Variants in MYOZ1 observed in about 807,000 individuals in gnomAD.
The protein encoded by MYOZ1 is myozenin 1, also known as myozenin-1.
In MYOZ1, 20 loss-of-function variants were observed where a neutral mutation model predicts 28.7. That is an observed-to-expected ratio of 0.70 (90% CI 0.49 to 1.01). The LOEUF is 1.01. Among genes scored for constraint, MYOZ1 ranks in the 50% least tolerant of loss-of-function variants. The pLI is 0.00. For missense variants in MYOZ1, 371 were observed against 372.4 expected (o/e 1.00, Z 0.03); for synonymous variants, 144 against 145.8 (o/e 0.99, Z 0.09).
At chr10:73,636,825 C>T (rs1032356757) in intron 3 of MYOZ1, among the ~76,000 whole-genome samples, 1 of 152,056 alleles carries the variant, frequency 6.6e-6, no homozygotes, top group Non-Finnish European at 1.5e-5. Flanking sequence ...AAAAATTATT[C>T]ATTTGCATCT....
chr10:73,632,849 C>T (rs890533903), intron 5 of MYOZ1, among the ~76,000 whole-genome samples: 4 of 151,776 alleles, frequency 2.6e-5, no homozygotes, highest in Non-Finnish European at 5.9e-5. Flanking sequence ...CAGTGGATAG[C>T]CTGGCTAAGA....
At chr10:73,636,879 TCCCAAATATTGCATG>T (rs1564984436) in intron 3 of MYOZ1, among the ~76,000 whole-genome samples, 1 of 152,238 alleles carries the variant, frequency 6.6e-6, no homozygotes, top group South Asian at 2.1e-4. Flanking sequence ...TATTTTAATG[TCCCAAATATTGCATG>T]GGACATATTT....
chr10:73,640,089 A>G, intron 1 of MYOZ1, 54 bp from the exon 2 acceptor site: 1 of 1,448,980 alleles, frequency 6.9e-7, no homozygotes, highest in Non-Finnish European at 9.7e-7. Flanking sequence ...GGGAAGAGTG[A>G]GTGTCTGTAG....
At chr10:73,638,638 T>TTTTATTTA (rs71482554) in intron 2 of MYOZ1, among the ~76,000 whole-genome samples, 1,418 of 124,132 alleles carry the variant, frequency 0.011, 12 homozygotes, top group African/African-American at 0.029. Flanking sequence ...CCAGCCTACA[T>TTTTATTTA]TTTATTTATT....
intron 2 of MYOZ1, among the ~76,000 whole-genome samples, chr10:73,638,878 C>G (rs1348001744): frequency 6.7e-6 from 1 of 150,226 alleles, no homozygotes; most frequent in Non-Finnish European, 1.5e-5. Context: ...GTTGGCCGGG[C>G]TGGTCTTGAA....
intron 4 of MYOZ1, 39 bp downstream of exon 4, chr10:73,634,445 T>C: frequency 6.2e-7 from 1 of 1,609,590 alleles, no homozygotes; most frequent in Non-Finnish European, 8.5e-7. Flanking sequence ...AACTCTGCTC[T>C]AGGGACCAAA....
intron 3 of MYOZ1, 52 bp downstream of exon 3, chr10:73,637,692 G>C (rs1403741896): frequency 9.2e-6 from 14 of 1,525,606 alleles, no homozygotes; most frequent in South Asian, 6.3e-5. Flanking sequence ...CTACTAACAA[G>C]CTGTCAGAAC....
chr10:73,637,948 T>C (rs1479534791), intron 2 of MYOZ1, 26 bp from the exon 3 acceptor site: 2 of 1,595,596 alleles, frequency 1.3e-6, no homozygotes, highest in East Asian at 4.5e-5. Flanking sequence ...AGAAGAAGAA[T>C]CAAGGGAAAG....
rs201988548 is a variant in MYOZ1, at chr10:73,634,593, C to A, written c.393G>T (p.Gln131His). 159 of 1,614,046 alleles carry A rather than the reference C, an allele frequency of 9.9e-5. No individual in the cohort carries two copies. Among genetic ancestry groups the A allele is most frequent in the Non-Finnish European group, 1.3e-4 (150 of 1,180,038 alleles). Residue 131 changes from glutamine to histidine, a missense_variant, in exon 4 of 6, where the codon CAG (glutamine) becomes CAT (histidine). Gln to His is a conservative substitution (Grantham distance 24). Transcript: ENST00000359322. The part of the protein sequence containing the change: ...SGSAGQYGSD[Q>H]QHHLGSGSGA... ...CAGACCCAGAGCCCAGATGGTGCTG[C>A]TGATCAGAGCCATACTGTCCGGCAG...
intron 2 of MYOZ1, among the ~76,000 whole-genome samples, chr10:73,638,311 A>G (rs1456456241): frequency 6.7e-6 from 1 of 150,296 alleles, no homozygotes; most frequent in Non-Finnish European, 1.5e-5. Context: ...ATATATATAT[A>G]TATTTGTTTT....
intron 2 of MYOZ1, among the ~76,000 whole-genome samples, chr10:73,638,957 C>T (rs532416660): frequency 6.8e-4 from 99 of 146,488 alleles, no homozygotes; most frequent in African/African-American, 2.5e-3. Context: ...TGAGCCACCA[C>T]GCCTGGACTT....
In MYOZ1 at chr10:73,638,292, C is replaced by CATATAT. The variant is rs56801610; in HGVS notation, c.74-376_74-371dup. ...TTGTGTGGAGTCCAAATACAGATGC[C>CATATAT]ATATATATATATATATATATATTTG... On this transcript the variant is annotated intron_variant, in intron 2 of 5. Coordinates refer to ENST00000359322, the MANE Select transcript of MYOZ1 (RefSeq NM_021245.4). Among the ~76,000 whole-genome samples the CATATAT allele has an allele frequency of 3.5e-3, 505 of 143,230 alleles. 7 individuals are homozygous for CATATAT. The highest frequency in any genetic ancestry group is 0.012 in the African/African-American group (475 of 39,224). 94.0% of individuals were successfully genotyped at this position (143,230 alleles called of 152,430 possible).
Position 73,631,831 on chromosome 10 carries a change from T to TTAAAA in MYOZ1, c.*98_*99insTTTTA. On this transcript the variant is annotated 3_prime_UTR_variant, in exon 6 of 6. Transcript: ENST00000359322. The stretch of plus-strand genomic sequence containing the variant: ...TCTCTCCTTTTTCCCTCCATTCCCA[T>TTAAAA]AAGGATACTGGATTAACAATGGGGG... 9.5e-7 allele frequency: 1 copy of TTAAAA among 1,057,052 alleles called. No individual in the cohort carries two copies. The highest frequency in any genetic ancestry group is 2.5e-5 in the East Asian group (1 of 39,354). 65.5% of individuals were successfully genotyped at this position (1,057,052 alleles called of 1,614,324 possible). A position where few individuals can be genotyped will look rare whatever the true frequency, so the allele number is the denominator to read the frequency against.
In MYOZ1 at chr10:73,634,625, T is replaced by G; in HGVS notation, c.361A>C (p.Ser121Arg). ...NGRGGSQAGG[S>R]GSAGQYGSDQ... ...GAGCCATACTGTCCGGCAGAGCCAC[T>G]GCCCCCTGCCTGGCTGCCGCCTCTG... Residue 121 changes from serine to arginine, a missense_variant, in exon 4 of 6, where the codon AGT (serine) becomes CGT (arginine). By Grantham distance (110) the Ser-to-Arg change is moderately radical. Coordinates refer to ENST00000359322, the MANE Select transcript of MYOZ1 (RefSeq NM_021245.4). The G allele has an allele frequency of 6.2e-7, 1 of 1,614,206 alleles. No homozygotes were observed. Among genetic ancestry groups the G allele is most frequent in the Non-Finnish European group, 8.5e-7 (1 of 1,180,020 alleles).
At chr10:73,633,788 C>A in intron 5 of MYOZ1, 112 bp downstream of exon 5, 1 of 1,181,762 alleles carries the variant, frequency 8.5e-7, no homozygotes, top group African/African-American at 1.5e-5. Flanking sequence ...CCCCCATATC[C>A]CTGCCATCTC....
intron 1 of MYOZ1, among the ~76,000 whole-genome samples, chr10:73,640,879 G>A (rs2081699753): frequency 6.6e-6 from 1 of 152,166 alleles, no homozygotes; most frequent in Non-Finnish European, 1.5e-5. Context: ...AACATGGCCT[G>A]GGAAGTCATG....
intron 3 of MYOZ1, among the ~76,000 whole-genome samples, 196 bp downstream of exon 3, chr10:73,637,548 T>C (rs2132407702): frequency 6.6e-6 from 1 of 152,338 alleles, no homozygotes; most frequent in East Asian, 1.9e-4. Flanking sequence ...TCAGTGGCTC[T>C]ATGATGAAAA....
At position 73,631,880 on chromosome 10, in the gene MYOZ1, C is replaced by T. The variant is rs756601083; in HGVS notation, c.*50G>A. 7 of 1,517,926 alleles carry T rather than the reference C, an allele frequency of 4.6e-6. No homozygotes were observed. Among genetic ancestry groups the T allele is most frequent in the Non-Finnish European group, 6.4e-6 (7 of 1,095,056 alleles). The allele number at this position is 1,517,926 out of a possible 1,614,324, so 94.0% of individuals were successfully genotyped here. On this transcript the variant is annotated 3_prime_UTR_variant, in exon 6 of 6. Transcript: ENST00000359322. ...GGCTATCTGCTCAGCATTCCCTCTCCAAATTGGAGCCAGAGAGGGGAAATG... is the reference window on the plus strand; with the variant it reads ...GGCTATCTGCTCAGCATTCCCTCTCTAAATTGGAGCCAGAGAGGGGAAATG...
chr10:73,634,730 G>T lies in MYOZ1; in HGVS notation c.256C>A (p.His86Asn). The change falls in exon 4 of 6, where the codon CAC becomes AAC. Residue 86 changes from histidine (H) to asparagine (N), a missense_variant. Coordinates refer to ENST00000359322, the MANE Select transcript of MYOZ1 (RefSeq NM_021245.4). ...PDVFSDSSMD[H>N]FQKFLPTVGG... Reference sequence around the variant, plus strand: ...ACTGTTGGAAGGAACTTCTGGAAGTGATCCTGAAAAGAAGACAAAGTGAGG... The same window carrying T: ...ACTGTTGGAAGGAACTTCTGGAAGTTATCCTGAAAAGAAGACAAAGTGAGG... 6.2e-7 allele frequency: 1 copy of T among 1,610,658 alleles called. No homozygotes were observed. The highest frequency in any genetic ancestry group is 8.5e-7 in the Non-Finnish European group (1 of 1,177,144).
Sources: allele counts gnomAD v4.1 joint callset (sites outside exome capture counted in the v4.1 genomes callset), GRCh38; gene constraint gnomAD v4.1.1; transcripts MANE v1.5; gene names NCBI Gene and HGNC (gene_info 2026-07-23, HGNC 2026-07-21).